The following LEF1 variants were observed in gnomAD, a reference collection of about 807,000 sequenced individuals.
LEF1 encodes lymphoid enhancer binding factor 1.
In LEF1, 14 loss-of-function variants were observed where a neutral mutation model predicts 51.2. That is an observed-to-expected ratio of 0.27 (90% confidence interval 0.18 to 0.43). The LOEUF (loss-of-function observed/expected upper bound fraction) is 0.43. Ranked by LOEUF, LEF1 falls within the 20% of genes least tolerant of loss-of-function variation. The pLI, the probability that LEF1 is intolerant of heterozygous loss-of-function variation, is 1.00. For synonymous variants in LEF1, 185 were observed against 183.2 expected (o/e 1.01, Z -0.08); for missense variants, 386 against 512.0 (o/e 0.75, Z 2.37).
At chr4:108,051,472 G>A (rs1736984732) in intron 11 of LEF1, among the ~76,000 whole-genome samples, 1 of 152,220 alleles carries the variant, frequency 6.6e-6, no homozygotes, top group Non-Finnish European at 1.5e-5. Flanking sequence ...AGGGGCTGGA[G>A]CTTTCCCACA....
chr4:108,132,152 T>C (rs1451275249), intron 3 of LEF1, among the ~76,000 whole-genome samples: 2 of 152,182 alleles, frequency 1.3e-5, no homozygotes, highest in Non-Finnish European at 2.9e-5. Flanking sequence ...ATTCACATTA[T>C]GTAAAAAACA....
chr4:108,098,205 A>C (rs1740517470), intron 3 of LEF1, among the ~76,000 whole-genome samples: 1 of 152,178 alleles, frequency 6.6e-6, no homozygotes, highest in Non-Finnish European at 1.5e-5. Flanking sequence ...CTGCCACCAC[A>C]GCCACACCTC....
chr4:108,055,765 G>A (rs1030550148), intron 11 of LEF1, among the ~76,000 whole-genome samples: 18 of 151,968 alleles, frequency 1.2e-4, no homozygotes, highest in African/African-American at 4.4e-4. Flanking sequence ...GCTACCTGAG[G>A]GTCTATTTCT....
At chr4:108,166,868 C>A in intron 1 of LEF1, 1 of 968,744 alleles carries the variant, frequency 1.0e-6, no homozygotes, top group Non-Finnish European at 1.2e-6. Flanking sequence ...CCAGGGTGTA[C>A]CCTTGCGGTG....
At chr4:108,134,264 G>GT (rs1743099557) in intron 3 of LEF1, among the ~76,000 whole-genome samples, 1 of 151,768 alleles carries the variant, frequency 6.6e-6, no homozygotes, top group Admixed American at 6.6e-5. Context: ...GAATACACAA[G>GT]TAAGTCCACT....
chr4:108,113,399 C>T (rs929633923), intron 3 of LEF1, among the ~76,000 whole-genome samples: 1 of 152,090 alleles, frequency 6.6e-6, no homozygotes, highest in Non-Finnish European at 1.5e-5. Context: ...ACCTACTGAA[C>T]GACTGTCTTT....
At chr4:108,049,238 C>T (rs1043613894) in intron 11 of LEF1, among the ~76,000 whole-genome samples, 5 of 152,164 alleles carry the variant, frequency 3.3e-5, no homozygotes, top group African/African-American at 1.2e-4. Context: ...GTGCTCTGTC[C>T]GCTCACACTC....
intron 1 of LEF1, among the ~76,000 whole-genome samples, chr4:108,166,119 C>A (rs1745372866): frequency 6.6e-6 from 1 of 152,166 alleles, no homozygotes. Flanking sequence ...CCTTTGACCT[C>A]CTTTTCCCAG....
At chr4:108,111,361 G>A (rs529092625) in intron 3 of LEF1, among the ~76,000 whole-genome samples, 2 of 152,280 alleles carry the variant, frequency 1.3e-5, no homozygotes, top group South Asian at 2.1e-4. Flanking sequence ...CCTGCTGAGT[G>A]TACCTGGGGA....
chr4:108,079,618 A>C lies in LEF1; in HGVS notation c.723-4T>G. 5.0e-6 allele frequency: 8 copies of C among 1,614,122 alleles called. No individual in the cohort carries two copies. The highest frequency in any genetic ancestry group is 6.8e-6 in the Non-Finnish European group (8 of 1,180,000). Reference sequence around the variant, plus strand: ...GGGAATCATATGATGGGAAAACCTGAAAGGAGGAAAGAGAAGAAAACAATG... The same window carrying C: ...GGGAATCATATGATGGGAAAACCTGCAAGGAGGAAAGAGAAGAAAACAATG... On this transcript the variant is annotated splice_polypyrimidine_tract_variant and splice_region_variant and intron_variant, in intron 6 of 11. Coordinates refer to ENST00000265165, the MANE Select transcript of LEF1 (RefSeq NM_016269.5).
Position 108,070,787 on chromosome 4 carries a change from G to T in LEF1, c.1009-17C>A. 1 of 1,560,390 alleles carries T rather than the reference G, an allele frequency of 6.4e-7. No individual in the cohort carries two copies. Among genetic ancestry groups the T allele is most frequent in the Non-Finnish European group, 8.8e-7 (1 of 1,142,764 alleles). On this transcript the variant is annotated splice_polypyrimidine_tract_variant and intron_variant, in intron 8 of 11. Transcript: ENST00000265165. Reference sequence around the variant, plus strand: ...GGCATGCCACTAAAACAGAGAGGAAGGAAGAAAAAAACAAAAGTAAGCAAA... The same window carrying T: ...GGCATGCCACTAAAACAGAGAGGAATGAAGAAAAAAACAAAAGTAAGCAAA...
intron 3 of LEF1, among the ~76,000 whole-genome samples, chr4:108,126,856 A>T (rs1292902954): frequency 8.0e-6 from 1 of 125,390 alleles, no homozygotes; most frequent in Non-Finnish European, 1.7e-5. Context: ...CATTTACTCT[A>T]TTATTTACTG....
At chr4:108,133,165 G>T (rs1373069997) in intron 3 of LEF1, among the ~76,000 whole-genome samples, 1 of 151,904 alleles carries the variant, frequency 6.6e-6, no homozygotes, top group African/African-American at 2.4e-5. Flanking sequence ...GTGGAGACAG[G>T]GTTTCACCAT....
In LEF1 at chr4:108,047,881, GA is replaced by G. The variant is rs1736719693; in HGVS notation, c.*876del. 1.3e-5 allele frequency: 2 copies of G among 152,550 alleles called. No individual in the cohort carries two copies. The highest frequency in any genetic ancestry group is 2.9e-5 in the Non-Finnish European group (2 of 68,004). 9.4% of individuals were successfully genotyped at this position (152,550 alleles called of 1,614,324 possible). A position where few individuals can be genotyped will look rare whatever the true frequency, so the allele number is the denominator to read the frequency against. ...TGTTAAGGTTTACTGTTTAAAAAAA[GA>G]AAAGAAGAAAACAGAAGAAAAAATA... On this transcript the variant is annotated 3_prime_UTR_variant, in exon 12 of 12. Transcript: ENST00000265165.
chr4:108,049,772 G>A (rs1424155535), intron 11 of LEF1, among the ~76,000 whole-genome samples: 1 of 152,090 alleles, frequency 6.6e-6, no homozygotes, highest in Non-Finnish European at 1.5e-5. Context: ...TCATTTCAAT[G>A]GAAAAAGAAA....
At chr4:108,157,578 G>A (rs1394522811) in intron 3 of LEF1, among the ~76,000 whole-genome samples, 1 of 152,152 alleles carries the variant, frequency 6.6e-6, no homozygotes, top group East Asian at 1.9e-4. Flanking sequence ...AGACACAACG[G>A]TCAACAAATC....
At chr4:108,081,820 T>C in intron 5 of LEF1, 151 bp from the exon 6 acceptor site, 2 of 619,330 alleles carry the variant, frequency 3.2e-6, no homozygotes, top group South Asian at 1.9e-5. Flanking sequence ...ACGTAACCGT[T>C]CCCCTTCCTT....
intron 11 of LEF1, among the ~76,000 whole-genome samples, chr4:108,063,244 C>T (rs963560407): frequency 2.0e-5 from 3 of 152,138 alleles, no homozygotes; most frequent in African/African-American, 7.2e-5. Flanking sequence ...TAAAATGGTG[C>T]TCCTCAAACC....
intron 8 of LEF1, among the ~76,000 whole-genome samples, chr4:108,076,237 C>A (rs7664774): frequency 6.6e-6 from 1 of 152,106 alleles, no homozygotes; most frequent in Non-Finnish European, 1.5e-5. Context: ...ATTTTTATTA[C>A]ATATTTATTG....
Sources: gnomAD v4.1 joint callset for allele counts (sites outside exome capture counted in the v4.1 genomes callset) on GRCh38, gnomAD v4.1.1 for gene constraint, MANE v1.5 for transcripts, NCBI Gene and HGNC (gene_info 2026-07-23, HGNC 2026-07-21) for gene names.